The following UNC5D variants were observed in gnomAD, a reference collection of about 807,000 sequenced individuals.
UNC5D encodes the protein unc-5 netrin receptor D.
Under a neutral mutation model 105.4 loss-of-function variants are expected in UNC5D, and 39 were observed. The observed-to-expected ratio is 0.37, with a 90% CI of 0.29 to 0.48. The LOEUF is 0.48. UNC5D is among the 20% of genes least tolerant of loss of function. The pLI, the probability that UNC5D is intolerant of heterozygous loss-of-function variation, is 0.98. For synonymous variants in UNC5D, 452 were observed against 450.4 expected, an observed-to-expected ratio of 1.00 and a Z score of -0.04; for missense variants, 991 against 1,202.4, an observed-to-expected ratio of 0.82 and a Z score of 2.60.
chr8:35,720,404 G>T (rs553819788), intron 8 of UNC5D, among the ~76,000 whole-genome samples: 2 of 152,308 alleles, frequency 1.3e-5, no homozygotes, highest in East Asian at 3.9e-4. Flanking sequence ...AGGTGAGAGT[G>T]TCATCAGTCA....
chr8:35,474,761 G>A (rs1402107020), intron 1 of UNC5D, among the ~76,000 whole-genome samples: 3 of 152,152 alleles, frequency 2.0e-5, no homozygotes, highest in Non-Finnish European at 1.5e-5. Context: ...ATTGCATGAG[G>A]CCATTGAGAT....
chr8:35,293,848 T>A (rs879584466), intron 1 of UNC5D, among the ~76,000 whole-genome samples: 1 of 152,230 alleles, frequency 6.6e-6, no homozygotes, highest in Non-Finnish European at 1.5e-5. Context: ...GTACCATGTG[T>A]AATGATCCTT....
At chr8:35,472,860 A>G (rs904751420) in intron 1 of UNC5D, among the ~76,000 whole-genome samples, 3 of 152,182 alleles carry the variant, frequency 2.0e-5, no homozygotes, top group African/African-American at 7.2e-5. Context: ...GGAAAGAATG[A>G]TAGATGGAAA....
intron 4 of UNC5D, among the ~76,000 whole-genome samples, chr8:35,608,214 A>T (rs1389522528): frequency 1.3e-5 from 2 of 152,196 alleles, no homozygotes; most frequent in Admixed American, 6.5e-5. Flanking sequence ...TTTTGGAATA[A>T]ATTTCAGACA....
chr8:35,470,718 G>A (rs1809649429), intron 1 of UNC5D, among the ~76,000 whole-genome samples: 1 of 151,104 alleles, frequency 6.6e-6, no homozygotes, highest in Non-Finnish European at 1.5e-5. Flanking sequence ...GCAGTGAGCT[G>A]AGATCACACC....
At chr8:35,549,264 T>C (rs1285015995) in intron 1 of UNC5D, 28 bp from the exon 2 acceptor site, 4 of 1,609,834 alleles carry the variant, frequency 2.5e-6, no homozygotes, top group East Asian at 2.2e-5. Context: ...ATGTAGGCTG[T>C]GTTCTGATGT....
chr8:35,604,895 C>T (rs1267425182), intron 4 of UNC5D, among the ~76,000 whole-genome samples: 3 of 152,232 alleles, frequency 2.0e-5, no homozygotes, highest in African/African-American at 7.2e-5. Flanking sequence ...TCAGCTCCAT[C>T]AGGTCCTTTA....
At chr8:35,785,421 G>A (rs28432136) in intron 16 of UNC5D, among the ~76,000 whole-genome samples, 8,844 of 152,184 alleles carry the variant, frequency 0.058, 695 homozygotes, top group African/African-American at 0.16. Flanking sequence ...GTGCAGTGGC[G>A]TGATCTTGAC....
chr8:35,773,152 C>CAA (rs1237074894), intron 15 of UNC5D, among the ~76,000 whole-genome samples: 3 of 152,102 alleles, frequency 2.0e-5, no homozygotes, highest in Non-Finnish European at 4.4e-5. Context: ...GGAAGTGATT[C>CAA]AATTGGATAT....
intron 3 of UNC5D, 111 bp from the exon 4 acceptor site, chr8:35,595,443 G>T (rs936658159): frequency 3.3e-5 from 25 of 746,934 alleles, no homozygotes; most frequent in South Asian, 8.7e-5. Context: ...ACTTATTTTT[G>T]TGTGTGTGTG....
chr8:35,521,214 G>C (rs1813446839), intron 1 of UNC5D, among the ~76,000 whole-genome samples: 1 of 151,990 alleles, frequency 6.6e-6, no homozygotes, highest in African/African-American at 2.4e-5. Context: ...TTGAAAGGGA[G>C]GAGGCAGAGG....
At chr8:35,652,952 A>C (rs1329644573) in intron 4 of UNC5D, among the ~76,000 whole-genome samples, 1 of 111,422 alleles carries the variant, frequency 9.0e-6, no homozygotes, top group African/African-American at 3.7e-5. Flanking sequence ...TTTGAGACAG[A>C]GTTTCACTCT....
At chr8:35,715,163 CA>C (rs1045296834) in intron 8 of UNC5D, among the ~76,000 whole-genome samples, 1 of 151,004 alleles carries the variant, frequency 6.6e-6, no homozygotes, top group African/African-American at 2.4e-5. Flanking sequence ...AAAAAACAAA[CA>C]AAAAAAAGAA....
intron 3 of UNC5D, among the ~76,000 whole-genome samples, chr8:35,578,947 T>C (rs980664455): frequency 4.6e-5 from 7 of 152,224 alleles, no homozygotes; most frequent in African/African-American, 1.4e-4. Context: ...TGCAGAAATA[T>C]AGCTACCACC....
chr8:35,301,903 C>T (rs137939154), intron 1 of UNC5D, among the ~76,000 whole-genome samples: 11 of 152,086 alleles, frequency 7.2e-5, no homozygotes, highest in East Asian at 1.9e-4. Flanking sequence ...TAATTATTGA[C>T]GCAGGCAGGA....
chr8:35,254,494 TG>T (rs1183225564), intron 1 of UNC5D: 1 of 152,210 alleles, frequency 6.6e-6, no homozygotes, highest in East Asian at 1.9e-4. Flanking sequence ...CTAGAAAAGT[TG>T]AAGAGACACA....
At chr8:35,766,000 A>T (rs1801749660) in intron 14 of UNC5D, among the ~76,000 whole-genome samples, 1 of 152,160 alleles carries the variant, frequency 6.6e-6, no homozygotes, top group East Asian at 1.9e-4. Flanking sequence ...GTACACAAAA[A>T]AATTTCGGTG....
At chr8:35,286,681 G>T (rs113091753) in intron 1 of UNC5D, among the ~76,000 whole-genome samples, 74 of 152,266 alleles carry the variant, frequency 4.9e-4, no homozygotes, top group Middle Eastern at 3.4e-3. Context: ...GCAGTTGCAG[G>T]TCAGTGATTA....
At chr8:35,510,310 CAAAA>C (rs11317897) in intron 1 of UNC5D, among the ~76,000 whole-genome samples, 2 of 71,862 alleles carry the variant, frequency 2.8e-5, no homozygotes, top group Admixed American at 1.6e-4. Flanking sequence ...TTTTTATATC[CAAAA>C]AAAAAAAAAA....
Sources: allele counts gnomAD v4.1 joint callset (sites outside exome capture counted in the v4.1 genomes callset), GRCh38; gene constraint gnomAD v4.1.1; transcripts MANE v1.5; gene names NCBI Gene and HGNC (gene_info 2026-07-23, HGNC 2026-07-21).